Variants in CCBE1 observed in about 807,000 individuals in gnomAD.
CCBE1 encodes the protein collagen and calcium binding EGF domains 1, also known as collagen and calcium-binding EGF domain-containing protein 1.
In CCBE1, 37 loss-of-function variants were observed where a neutral mutation model predicts 50.0. The observed-to-expected ratio is 0.74, with a 90% confidence interval of 0.57 to 0.97. The LOEUF (loss-of-function observed/expected upper bound fraction) is 0.97, where lower values mean the gene tolerates loss of function less well. CCBE1 is among the 50% of genes least tolerant of loss of function. The probability of loss-of-function intolerance (pLI) is 0.00; values close to 1 mark genes in which losing one functional copy is unlikely to be tolerated. For synonymous variants in CCBE1, 234 were observed against 203.7 expected (o/e 1.15, Z -1.27); for missense variants, 538 against 523.8 (o/e 1.03, Z -0.26).
At chr18:59,472,205 G>A (rs566533961) in intron 3 of CCBE1, among the ~76,000 whole-genome samples, 1 of 152,188 alleles carries the variant, frequency 6.6e-6, no homozygotes, top group Non-Finnish European at 1.5e-5. Flanking sequence ...TCCTCAGAGT[G>A]CTGGGTCCTC....
intron 2 of CCBE1, among the ~76,000 whole-genome samples, chr18:59,505,849 G>A (rs992875710): frequency 6.6e-6 from 1 of 152,210 alleles, no homozygotes; most frequent in Admixed American, 6.5e-5. Flanking sequence ...ATGTTCACCA[G>A]TCAGAATCTT....
Position 59,480,202 on chromosome 18 carries a change from T to C in CCBE1, c.249A>G (p.Gly83=). ...ATTACATACCTTCTGGGATGCATTGTCCAAGAACAAATTTATATCCTTTGC... is the reference window on the plus strand; with the variant it reads ...ATTACATACCTTCTGGGATGCATTGCCCAAGAACAAATTTATATCCTTTGC... ...KCCKGYKFVL[G]QCIPEDYDVC... The change falls in exon 3 of 11, where the codon GGA becomes GGG. Residue 83 remains glycine (G), a synonymous_variant. Transcript: ENST00000439986. The C allele has an allele frequency of 6.3e-7, 1 of 1,598,136 alleles. No homozygotes were observed. The highest frequency in any genetic ancestry group is 8.6e-7 in the Non-Finnish European group (1 of 1,165,908).
At chr18:59,455,457 G>A (rs1911146894) in intron 5 of CCBE1, among the ~76,000 whole-genome samples, 1 of 152,168 alleles carries the variant, frequency 6.6e-6, no homozygotes, top group African/African-American at 2.4e-5. Flanking sequence ...GCCAGGATGG[G>A]AAATGCCCCA....
intron 6 of CCBE1, 77 bp downstream of exon 6, chr18:59,454,774 G>A (rs1461992318): frequency 8.3e-7 from 1 of 1,199,434 alleles, no homozygotes; most frequent in Non-Finnish European, 1.2e-6. Context: ...TTTCTTATTT[G>A]TAAATATCCT....
chr18:59,561,588 C>T (rs924697346), intron 2 of CCBE1, among the ~76,000 whole-genome samples: 2 of 152,200 alleles, frequency 1.3e-5, no homozygotes, highest in African/African-American at 2.4e-5. Context: ...GTATAACTGC[C>T]CTGCTGACAC....
intron 2 of CCBE1, among the ~76,000 whole-genome samples, chr18:59,614,289 C>T (rs1012294174): frequency 2.0e-5 from 3 of 152,070 alleles, no homozygotes; most frequent in South Asian, 2.1e-4. Flanking sequence ...CATGAGCCAT[C>T]GTGCCTGGTT....
chr18:59,642,846 G>A (rs1376233094), intron 2 of CCBE1, among the ~76,000 whole-genome samples: 1 of 151,534 alleles, frequency 6.6e-6, no homozygotes, highest in East Asian at 1.9e-4. Flanking sequence ...CTATTCGGGA[G>A]GCTGAGGCAG....
intron 2 of CCBE1, among the ~76,000 whole-genome samples, chr18:59,592,392 T>C (rs986081757): frequency 6.6e-6 from 1 of 152,208 alleles, no homozygotes; most frequent in Non-Finnish European, 1.5e-5. Context: ...CTAAAACTTT[T>C]CTGGTTCTAA....
chr18:59,625,275 C>CA (rs5825353), intron 2 of CCBE1, among the ~76,000 whole-genome samples: 15,719 of 151,718 alleles, frequency 0.1, 846 homozygotes, highest in East Asian at 0.14. Flanking sequence ...ACTAAAAATA[C>CA]AAAAAATTAG....
chr18:59,469,538 G>A lies in CCBE1; in HGVS notation c.335C>T (p.Thr112Ile), dbSNP rs1174131304. ...CTDNFGRVLC[T>I]CYPGYRYDRE... is the part of the protein sequence containing the mutation. The stretch of plus-strand genomic sequence containing the variant: ...GTCATATCGGTATCCCGGATAACAA[G>A]TACACAGCACTCGGCCAAAGTTGTC... Residue 112 changes from threonine to isoleucine, a missense_variant, in exon 4 of 11, where the codon ACT becomes ATT. Transcript: ENST00000439986. The A allele has an allele frequency of 2.5e-6, 4 of 1,614,084 alleles. No individual in the cohort carries two copies. Among genetic ancestry groups the A allele is most frequent in the Admixed American group, 1.7e-5 (1 of 59,992 alleles).
At chr18:59,548,339 C>T (rs866358921) in intron 2 of CCBE1, among the ~76,000 whole-genome samples, 3 of 152,110 alleles carry the variant, frequency 2.0e-5, no homozygotes, top group South Asian at 2.1e-4. Flanking sequence ...CTCTGGTTTC[C>T]ATTATTTAAA....
At chr18:59,481,522 G>A (rs1307549413) in intron 2 of CCBE1, among the ~76,000 whole-genome samples, 1 of 152,164 alleles carries the variant, frequency 6.6e-6, no homozygotes, top group Non-Finnish European at 1.5e-5. Context: ...AATGCCTAGA[G>A]ATGTCATGGT....
chr18:59,522,126 CTTTTT>C (rs756293644), intron 2 of CCBE1, among the ~76,000 whole-genome samples: 1 of 73,564 alleles, frequency 1.4e-5, no homozygotes, highest in Admixed American at 1.3e-4. Flanking sequence ...CTTAACTTTT[CTTTTT>C]TTTTTTTTGT....
intron 2 of CCBE1, among the ~76,000 whole-genome samples, chr18:59,536,441 G>A (rs1361176605): frequency 1.3e-5 from 2 of 152,198 alleles, no homozygotes; most frequent in Non-Finnish European, 2.9e-5. Context: ...ATGTGCATGA[G>A]ACGGGCTTGT....
At chr18:59,438,185 A>G (rs755327015) in intron 9 of CCBE1, 39 bp from the exon 10 acceptor site, 5 of 1,592,764 alleles carry the variant, frequency 3.1e-6, no homozygotes, top group Admixed American at 1.7e-5. Context: ...TCTAGAGCAC[A>G]TGGATATCAC....
chr18:59,447,556 G>T (rs1424073318), intron 7 of CCBE1, among the ~76,000 whole-genome samples: 1 of 152,178 alleles, frequency 6.6e-6, no homozygotes, highest in Non-Finnish European at 1.5e-5. Flanking sequence ...AATAAGGAAA[G>T]GTGGAAGGAA....
At chr18:59,650,775 G>C (rs541589796) in intron 2 of CCBE1, among the ~76,000 whole-genome samples, 44 of 151,426 alleles carry the variant, frequency 2.9e-4, no homozygotes, top group Non-Finnish European at 5.9e-4. Flanking sequence ...TGGAGAACAA[G>C]CCCATCCTCC....
At chr18:59,624,289 C>G (rs893373324) in intron 2 of CCBE1, among the ~76,000 whole-genome samples, 3 of 152,192 alleles carry the variant, frequency 2.0e-5, no homozygotes, top group Non-Finnish European at 2.9e-5. Context: ...TGTGACATAA[C>G]CATTCCAAGG....
At chr18:59,613,848 G>A (rs1425061618) in intron 2 of CCBE1, among the ~76,000 whole-genome samples, 1 of 122,366 alleles carries the variant, frequency 8.2e-6, no homozygotes, top group Non-Finnish European at 1.7e-5. Context: ...GCACAAAGAT[G>A]TTTTTCTCTG....
Sources: allele counts gnomAD v4.1 joint callset (sites outside exome capture counted in the v4.1 genomes callset), GRCh38; gene constraint gnomAD v4.1.1; transcripts MANE v1.5; gene names NCBI Gene and HGNC (gene_info 2026-07-23, HGNC 2026-07-21).